The following KCNMB2 variants were observed in gnomAD, a reference collection of about 807,000 sequenced individuals.
KCNMB2 encodes the protein potassium calcium-activated channel subfamily M regulatory beta subunit 2, also known as calcium-activated potassium channel subunit beta-2.
Under a neutral mutation model 24.5 loss-of-function variants are expected in KCNMB2, and 9 were observed. The observed-to-expected ratio is 0.37, with a 90% confidence interval of 0.22 to 0.64. KCNMB2 has a LOEUF of 0.64. Ranked by LOEUF, KCNMB2 falls within the 30% of genes least tolerant of loss-of-function variation. The pLI, the probability that KCNMB2 is intolerant of heterozygous loss-of-function variation, is 0.63. For synonymous variants in KCNMB2, 109 were observed against 104.4 expected, an observed-to-expected ratio of 1.04 and a Z score of -0.27; for missense variants, 226 against 284.3, an observed-to-expected ratio of 0.79 and a Z score of 1.47.
intron 2 of KCNMB2, among the ~76,000 whole-genome samples, chr3:178,811,294 C>A (rs1714182077): frequency 6.6e-6 from 1 of 152,054 alleles, no homozygotes; most frequent in South Asian, 2.1e-4. Flanking sequence ...TTTTGAAGCC[C>A]TTGAGGATGC....
chr3:178,748,005 C>T (rs557359488), intron 1 of KCNMB2, among the ~76,000 whole-genome samples: 2 of 152,294 alleles, frequency 1.3e-5, no homozygotes, highest in South Asian at 2.1e-4. Flanking sequence ...GATTCAGCAA[C>T]GAAGGTTTTT....
rs1035573734 is a variant in KCNMB2 at position 178,691,213 on chromosome 3, C to G, written c.-67-116130C>G. On this transcript the variant is annotated intron_variant, in intron 1 of 4. Coordinates refer to ENST00000452583, the MANE Select transcript of KCNMB2 (RefSeq NM_181361.3). ...TCCACCTGCCTCAGCCTCTCAAAGT[C>G]CTGGGATTACAGGTGTGAGCCACAC... Among the ~76,000 whole-genome samples the G allele has an allele frequency of 2.7e-5, 4 of 146,784 alleles. No individual in the cohort carries two copies. In the East Asian group the frequency reaches 8.1e-4, roughly 30 times the overall value.
At chr3:178,655,571 C>T (rs1383072231) in intron 1 of KCNMB2, among the ~76,000 whole-genome samples, 1 of 152,172 alleles carries the variant, frequency 6.6e-6, no homozygotes, top group African/African-American at 2.4e-5. Flanking sequence ...CTTTCCCAAT[C>T]TTTTCTAAAG....
intron 1 of KCNMB2, among the ~76,000 whole-genome samples, chr3:178,782,554 T>G (rs1264299144): frequency 6.8e-6 from 1 of 147,570 alleles, no homozygotes; most frequent in Non-Finnish European, 1.5e-5. Context: ...ATGATGAGCA[T>G]TTTTTCATGT....
At chr3:178,543,573 A>T (rs985832532) in intron 1 of KCNMB2, among the ~76,000 whole-genome samples, 1 of 152,216 alleles carries the variant, frequency 6.6e-6, no homozygotes, top group South Asian at 2.1e-4. Context: ...CACTACCTCC[A>T]ATTAAACTAT....
At chr3:178,617,599 C>G (rs1284155594) in intron 1 of KCNMB2, among the ~76,000 whole-genome samples, 1 of 137,798 alleles carries the variant, frequency 7.3e-6, no homozygotes, top group Non-Finnish European at 1.6e-5. Flanking sequence ...AAAAGAAAAC[C>G]CAACACCCAG....
intron 1 of KCNMB2, chr3:178,801,736 T>C (rs1713782873): frequency 6.6e-6 from 1 of 152,180 alleles, no homozygotes; most frequent in Admixed American, 6.6e-5. Context: ...AGCAACAGTA[T>C]CAAATTCAGC....
At chr3:178,551,529 G>A (rs1715953224) in intron 1 of KCNMB2, among the ~76,000 whole-genome samples, 1 of 152,182 alleles carries the variant, frequency 6.6e-6, no homozygotes, top group Non-Finnish European at 1.5e-5. Flanking sequence ...TTTCAGAGAG[G>A]ATTTGGAGGG....
chr3:178,590,082 G>T (rs1320530441), intron 1 of KCNMB2, among the ~76,000 whole-genome samples: 1 of 152,150 alleles, frequency 6.6e-6, no homozygotes, highest in Non-Finnish European at 1.5e-5. Flanking sequence ...GTAAGGTTTG[G>T]TATGAGACTA....
intron 1 of KCNMB2, among the ~76,000 whole-genome samples, chr3:178,668,584 G>A (rs1258246519): frequency 6.6e-6 from 1 of 152,114 alleles, no homozygotes; most frequent in Non-Finnish European, 1.5e-5. Context: ...TTAAAGTCAT[G>A]AAGTAATGAA....
At chr3:178,594,463 G>A (rs1421433266) in intron 1 of KCNMB2, among the ~76,000 whole-genome samples, 2 of 152,078 alleles carry the variant, frequency 1.3e-5, no homozygotes, top group Non-Finnish European at 2.9e-5. Context: ...AATTGATGTA[G>A]GTGTGACAGA....
chr3:178,799,563 G>A (rs943511093), intron 1 of KCNMB2, among the ~76,000 whole-genome samples: 9 of 152,182 alleles, frequency 5.9e-5, no homozygotes, highest in Admixed American at 1.3e-4. Flanking sequence ...CCATAGTCAC[G>A]GATTGGGAGA....
intron 1 of KCNMB2, among the ~76,000 whole-genome samples, chr3:178,697,410 A>C (rs1405561066): frequency 1.3e-5 from 2 of 152,134 alleles, no homozygotes; most frequent in African/African-American, 4.8e-5. Flanking sequence ...ATTTTGTTAG[A>C]AACTAGAATT....
intron 1 of KCNMB2, among the ~76,000 whole-genome samples, chr3:178,734,064 A>T (rs145090254): frequency 2.6e-5 from 4 of 151,626 alleles, no homozygotes; most frequent in African/African-American, 9.6e-5. Flanking sequence ...CTACAGGTTG[A>T]GTAGCCCTGT....
chr3:178,639,908 G>T (rs1447460761), intron 1 of KCNMB2, among the ~76,000 whole-genome samples: 1 of 152,126 alleles, frequency 6.6e-6, no homozygotes, highest in African/African-American at 2.4e-5. Flanking sequence ...ATTTCTGTAT[G>T]GAGTGAGGGA....
At chr3:178,759,133 AAGAGGGATATATATATATATC>A (rs1256935051) in intron 1 of KCNMB2, among the ~76,000 whole-genome samples, 678 of 53,886 alleles carry the variant, frequency 0.013, 197 homozygotes, top group South Asian at 0.015. Flanking sequence ...ATATATCTCC[AAGAGGGATATATATATATATC>A]TATCTCCAAG....
intron 1 of KCNMB2, among the ~76,000 whole-genome samples, chr3:178,794,671 C>T (rs1000124716): frequency 3.3e-5 from 5 of 152,192 alleles, no homozygotes; most frequent in Non-Finnish European, 7.3e-5. Context: ...TAAGACGACT[C>T]AGCCTTCATG....
intron 1 of KCNMB2, among the ~76,000 whole-genome samples, chr3:178,805,371 G>C (rs1193711766): frequency 1.3e-5 from 2 of 152,202 alleles, no homozygotes; most frequent in Non-Finnish European, 2.9e-5. Flanking sequence ...AATCTTAGAA[G>C]CCAACAGTTT....
At chr3:178,814,091 C>T (rs1714308776) in intron 2 of KCNMB2, among the ~76,000 whole-genome samples, 1 of 152,070 alleles carries the variant, frequency 6.6e-6, no homozygotes, top group African/African-American at 2.4e-5. Context: ...CTATTGAACC[C>T]ATCAACCAAA....
Sources: allele counts gnomAD v4.1 joint callset (sites outside exome capture counted in the v4.1 genomes callset), GRCh38; gene constraint gnomAD v4.1.1; transcripts MANE v1.5; gene names NCBI Gene and HGNC (gene_info 2026-07-23, HGNC 2026-07-21).